NAA35: variants seen among roughly 807,000 people sequenced by gnomAD.
NAA35 encodes MAK10 homolog, amino-acid N-acetyltransferase subunit.
NAA35 carries 18 observed loss-of-function variants against 101.7 expected under a neutral mutation model. That is an observed-to-expected ratio of 0.18 (90% confidence interval 0.12 to 0.26). The LOEUF is 0.26. NAA35 is among the 10% of genes least tolerant of loss of function. NAA35 has a pLI of 1.00. For missense variants in NAA35, 601 were observed against 886.8 expected, an observed-to-expected ratio of 0.68 and a Z score of 4.09; for synonymous variants, 267 against 273.1, an observed-to-expected ratio of 0.98 and a Z score of 0.22.
At chr9:86,007,637 A>C (rs1348709441) in intron 14 of NAA35, among the ~76,000 whole-genome samples, 173 bp downstream of exon 14, 1 of 152,322 alleles carries the variant, frequency 6.6e-6, no homozygotes, top group South Asian at 2.1e-4. Context: ...GATTAAAACT[A>C]AGGTTTTTAT....
At position 85,952,343 on chromosome 9, in the gene NAA35, T is replaced by C. The variant is rs560902063; in HGVS notation, c.125-4017T>C. Among the ~76,000 whole-genome samples, 3 of 151,280 alleles carry C rather than the reference T, an allele frequency of 2.0e-5. No individual in the cohort carries two copies. The South Asian group carries it at 6.3e-4, about 32-fold the overall frequency. On this transcript the variant is annotated intron_variant, in intron 2 of 22. Transcript: ENST00000361671. ...TCTTTTTGCCCAGACTGGAGTGCAG[T>C]GGCGCCATCTCGGCTCACTACAACT...
At chr9:86,017,599 T>C in intron 19 of NAA35, 34 bp downstream of exon 19, 1 of 1,537,708 alleles carries the variant, frequency 6.5e-7, no homozygotes, top group Non-Finnish European at 9.0e-7. Context: ...TTTTTGCCTT[T>C]TAGCTATATC....
chr9:85,972,523 A>G (rs2118005448), intron 6 of NAA35, among the ~76,000 whole-genome samples: 1 of 151,476 alleles, frequency 6.6e-6, no homozygotes, highest in East Asian at 1.9e-4. Flanking sequence ...AAAAAAAAAA[A>G]AAAAAAAAAG....
chr9:85,942,408 C>T, intron 2 of NAA35, 125 bp downstream of exon 2: 2 of 1,290,418 alleles, frequency 1.5e-6, no homozygotes, highest in South Asian at 2.9e-5. Context: ...TTGTTAGCCA[C>T]ACTTATTCTG....
At position 86,024,046 on chromosome 9, in the gene NAA35, G is replaced by A. The variant is rs1832678987; in HGVS notation, c.*2086G>A. Among the ~76,000 whole-genome samples, 2 of 152,194 alleles carry A rather than the reference G, an allele frequency of 1.3e-5. No individual in the cohort carries two copies. Among genetic ancestry groups the A allele is most frequent in the South Asian group, 4.1e-4 (2 of 4,830 alleles). The stretch of plus-strand genomic sequence containing the variant: ...AATTTGCCATTTTATAATTTTTAAA[G>A]TAATCTGCCATTCAAGGTACTTACT... On this transcript the variant is annotated 3_prime_UTR_variant, in exon 23 of 23. Coordinates refer to ENST00000361671, the MANE Select transcript of NAA35 (RefSeq NM_024635.4).
At chr9:86,015,678 T>A in intron 17 of NAA35, 1 of 877,702 alleles carries the variant, frequency 1.1e-6, no homozygotes, top group Non-Finnish European at 1.4e-6. Flanking sequence ...GACATAAATG[T>A]ATATTAATTT....
At position 86,013,706 on chromosome 9, in the gene NAA35, T is replaced by C; in HGVS notation, c.1390-13T>C. ...ACAAAACGAACACAGTTTATGACAT[T>C]TTATTTTAATAGGCAGAGAAGGTTG... On this transcript the variant is annotated splice_polypyrimidine_tract_variant and intron_variant, in intron 16 of 22. Transcript: ENST00000361671. The C allele has an allele frequency of 6.2e-7, 1 of 1,607,604 alleles. No individual in the cohort carries two copies. The highest frequency in any genetic ancestry group is 1.7e-5 in the Admixed American group (1 of 59,720).
At chr9:85,961,680 C>T (rs1399473592) in intron 5 of NAA35, among the ~76,000 whole-genome samples, 1 of 152,074 alleles carries the variant, frequency 6.6e-6, no homozygotes, top group Non-Finnish European at 1.5e-5. Flanking sequence ...GTCTAAGGAT[C>T]TGGTTAGTTC....
chr9:86,025,435 C>CTATT lies in NAA35; in HGVS notation c.*3477_*3480dup, dbSNP rs1011482974. On this transcript the variant is annotated 3_prime_UTR_variant, in exon 23 of 23. Coordinates refer to ENST00000361671, the MANE Select transcript of NAA35 (RefSeq NM_024635.4). ...TCCCCATATTCATACTTGCCCCACT[C>CTATT]TATTTGTGGAGTGGCTGGTATGATC... 9.7e-4 allele frequency among the ~76,000 whole-genome samples: 147 copies of CTATT among 152,260 alleles called. No individual in the cohort carries two copies. The highest frequency in any genetic ancestry group is 3.3e-3 in the African/African-American group (139 of 41,572).
At chr9:85,989,109 G>A (rs950372656) in intron 11 of NAA35, among the ~76,000 whole-genome samples, 2 of 152,144 alleles carry the variant, frequency 1.3e-5, no homozygotes, top group African/African-American at 4.8e-5. Context: ...TATTATATTG[G>A]CTTCATGGTT....
chr9:85,985,425 A>G (rs1270156742), intron 11 of NAA35, among the ~76,000 whole-genome samples: 3 of 152,226 alleles, frequency 2.0e-5, no homozygotes, highest in Non-Finnish European at 2.9e-5. Context: ...ATTTGTCAAC[A>G]AAAAGAAATG....
chr9:86,020,123 A>G (rs963003340), intron 21 of NAA35, among the ~76,000 whole-genome samples: 1 of 152,236 alleles, frequency 6.6e-6, no homozygotes, highest in African/African-American at 2.4e-5. Flanking sequence ...GTGTGCGAGT[A>G]TAAAATATCT....
intron 18 of NAA35, among the ~76,000 whole-genome samples, chr9:86,017,027 G>A (rs996904105): frequency 5.3e-5 from 8 of 152,192 alleles, no homozygotes; most frequent in African/African-American, 1.2e-4. Context: ...CTGTGGTAGC[G>A]GGCACCGAAA....
At chr9:86,007,494 A>G (rs1831698726) in intron 14 of NAA35, 30 bp downstream of exon 14, 2 of 1,555,074 alleles carry the variant, frequency 1.3e-6, no homozygotes, top group Admixed American at 3.4e-5. Flanking sequence ...TTAGAGTTGT[A>G]TGTATGTGCT....
At chr9:86,021,770 G>T in intron 22 of NAA35, 131 bp from the exon 23 acceptor site, 1 of 734,788 alleles carries the variant, frequency 1.4e-6, no homozygotes, top group Non-Finnish European at 2.2e-6. Context: ...CATTAACCTA[G>T]TTTTTAAAAT....
rs141080071 is a variant in NAA35 at position 86,018,288 on chromosome 9, C to A, written c.1807C>A (p.Arg603Ser). 4 of 1,613,756 alleles carry A rather than the reference C, an allele frequency of 2.5e-6. No individual in the cohort carries two copies. The South Asian group carries it at 4.4e-5, about 18-fold the overall frequency. Residue 603 changes from arginine (R) to serine (S), a missense_variant, in exon 20 of 23, where the codon CGT becomes AGT. Around this residue, in one of 8 missense-constraint regions of NAA35, gnomAD observed 90 missense variants for 108.7 expected, o/e 0.83. Coordinates refer to ENST00000361671, the MANE Select transcript of NAA35 (RefSeq NM_024635.4). ...MVAFDMDGKV[R>S]KPKFELDSEQ... is the part of the protein sequence containing the mutation. ...AGCATTTGACATGGACGGCAAAGTACGTAAACCGAAGTTTGAGCTTGATAG... is the reference window on the plus strand; with the variant it reads ...AGCATTTGACATGGACGGCAAAGTAAGTAAACCGAAGTTTGAGCTTGATAG...
At position 86,024,247 on chromosome 9, in the gene NAA35, G is replaced by C. The variant is rs77008257; in HGVS notation, c.*2287G>C. Among the ~76,000 whole-genome samples, 10,241 of 152,200 alleles carry C rather than the reference G, an allele frequency of 0.067. 505 individuals carry two copies. Among genetic ancestry groups the C allele is most frequent in the Non-Finnish European group, 0.1 (6,959 of 68,002 alleles). On this transcript the variant is annotated 3_prime_UTR_variant, in exon 23 of 23. Coordinates refer to ENST00000361671, the MANE Select transcript of NAA35 (RefSeq NM_024635.4). ...ACAAATCCCCATCGCATCTATTCAG[G>C]AGGCACTGCTGGGAAAAGGGTCCCA...
intron 19 of NAA35, 131 bp downstream of exon 19, chr9:86,017,696 AT>A: frequency 2.8e-6 from 2 of 723,068 alleles, no homozygotes; most frequent in Non-Finnish European, 4.5e-6. Context: ...CTGCTTGAAG[AT>A]TACCTTTATT....
intron 2 of NAA35, among the ~76,000 whole-genome samples, chr9:85,953,274 G>C (rs1363688267): frequency 6.7e-6 from 1 of 149,574 alleles, no homozygotes; most frequent in Non-Finnish European, 1.5e-5. Flanking sequence ...ACACTTCAGT[G>C]GTATTTAATA....
Sources: gnomAD v4.1 joint callset for allele counts (sites outside exome capture counted in the v4.1 genomes callset) on GRCh38, gnomAD v4.1.1 for gene constraint, gnomAD v4.1.1 regional missense constraint, MANE v1.5 for transcripts, NCBI Gene and HGNC (gene_info 2026-07-23, HGNC 2026-07-21) for gene names.